The following SNTG1 variants were observed in gnomAD, a reference collection of about 807,000 sequenced individuals.
SNTG1 encodes syntrophin gamma 1.
A neutral mutation model predicts 74.7 loss-of-function variants in SNTG1; 39 were observed. The ratio of observed to expected loss-of-function variants is 0.52; its 90% CI spans 0.40 to 0.68. The LOEUF (loss-of-function observed/expected upper bound fraction) is 0.68, where lower values mean the gene tolerates loss of function less well. SNTG1 is among the 30% of genes least tolerant of loss of function. The probability of loss-of-function intolerance (pLI) is 0.00; values close to 1 mark genes in which losing one functional copy is unlikely to be tolerated. For synonymous variants in SNTG1, 254 were observed against 217.1 expected, an observed-to-expected ratio of 1.17 and a Z score of -1.49; for missense variants, 685 against 609.5, an observed-to-expected ratio of 1.12 and a Z score of -1.30.
At chr8:50,758,114 T>G (rs887914227) in intron 18 of SNTG1, among the ~76,000 whole-genome samples, 1 of 151,958 alleles carries the variant, frequency 6.6e-6, no homozygotes, top group African/African-American at 2.4e-5. Flanking sequence ...TTTTTAGAAT[T>G]TGCATTTTCT....
chr8:50,774,744 A>C (rs902376495), intron 18 of SNTG1, among the ~76,000 whole-genome samples: 7 of 151,718 alleles, frequency 4.6e-5, no homozygotes, highest in Non-Finnish European at 8.9e-5. Flanking sequence ...TAAAATGATA[A>C]TTATATCACT....
chr8:49,917,016 C>CA (rs925296183), intron 1 of SNTG1, among the ~76,000 whole-genome samples: 12 of 142,248 alleles, frequency 8.4e-5, no homozygotes, highest in Admixed American at 3.7e-4. Flanking sequence ...GATTCTATCT[C>CA]AAAAAAATAT....
At chr8:50,614,319 A>G (rs1174914773) in intron 13 of SNTG1, among the ~76,000 whole-genome samples, 2 of 152,142 alleles carry the variant, frequency 1.3e-5, no homozygotes, top group African/African-American at 2.4e-5. Context: ...AAAAGCATTC[A>G]ATATTAAGCT....
chr8:49,960,781 G>C (rs1007679311), intron 1 of SNTG1, among the ~76,000 whole-genome samples: 3 of 152,088 alleles, frequency 2.0e-5, no homozygotes, highest in African/African-American at 7.2e-5. Flanking sequence ...GTGACTCTCT[G>C]AGTCTGTATT....
chr8:50,691,777 T>C (rs1484412335), intron 15 of SNTG1, among the ~76,000 whole-genome samples: 1 of 152,198 alleles, frequency 6.6e-6, no homozygotes, highest in Non-Finnish European at 1.5e-5. Context: ...CTGTATTTCC[T>C]GAATTTGAAT....
At chr8:50,335,645 A>G (rs773920591) in intron 2 of SNTG1, among the ~76,000 whole-genome samples, 1 of 151,884 alleles carries the variant, frequency 6.6e-6, no homozygotes, top group Non-Finnish European at 1.5e-5. Flanking sequence ...CTTAACTCCA[A>G]TGGGAGGGAG....
intron 2 of SNTG1, among the ~76,000 whole-genome samples, chr8:50,356,238 C>A (rs2091813218): frequency 6.6e-6 from 1 of 151,926 alleles, no homozygotes; most frequent in South Asian, 2.1e-4. Context: ...TCATTTTTGC[C>A]AAACGACTTG....
intron 15 of SNTG1, among the ~76,000 whole-genome samples, chr8:50,660,676 T>G (rs2095218152): frequency 6.6e-6 from 1 of 152,204 alleles, no homozygotes; most frequent in South Asian, 2.1e-4. Flanking sequence ...ACTCTCCAAG[T>G]AGCTGCATGA....
intron 8 of SNTG1, among the ~76,000 whole-genome samples, chr8:50,451,599 G>A (rs2131628914): frequency 6.6e-6 from 1 of 152,222 alleles, no homozygotes; most frequent in African/African-American, 2.4e-5. Flanking sequence ...TCTTAGATTT[G>A]TGAATGTACA....
chr8:50,731,570 A>G (rs762994922), intron 17 of SNTG1, among the ~76,000 whole-genome samples: 3 of 152,064 alleles, frequency 2.0e-5, no homozygotes, highest in Non-Finnish European at 2.9e-5. Flanking sequence ...TAAATAAGCC[A>G]TCCCACTCTA....
rs7013113 is a variant in SNTG1 at position 50,332,546 on chromosome 8, C to T, written c.-27-61666C>T. On this transcript the variant is annotated intron_variant, in intron 2 of 18. Coordinates refer to ENST00000642720, the MANE Select transcript of SNTG1 (RefSeq NM_018967.5). Reference sequence around the variant, plus strand: ...AATAAAATATTAAAATACATGGAATCGTGTATAATGTTTGACAACATCTGC... The same window carrying T: ...AATAAAATATTAAAATACATGGAATTGTGTATAATGTTTGACAACATCTGC... Among the ~76,000 whole-genome samples the T allele has an allele frequency of 9.9e-5, 15 of 152,024 alleles. 1 individual carries two copies. The highest frequency in any genetic ancestry group is 3.4e-4 in the African/African-American group (14 of 41,472).
In SNTG1 at chr8:50,025,276, A is replaced by T. The variant is rs563785167; in HGVS notation, c.-103+113045A>T. ...ATATATTCATTAATTTTAGATATCT[A>T]TAATAACCCACTTTCTCATTAATCT... is the stretch of plus-strand genomic sequence containing the variant. On this transcript the variant is annotated intron_variant, in intron 1 of 18. Transcript: ENST00000642720. Among the ~76,000 whole-genome samples, 5 of 152,158 alleles carry T rather than the reference A, an allele frequency of 3.3e-5. 1 individual carries two copies. Among genetic ancestry groups the T allele is most frequent in the Non-Finnish European group, 7.4e-5 (5 of 68,014 alleles).
chr8:49,978,581 A>G (rs1042326231), intron 1 of SNTG1, among the ~76,000 whole-genome samples: 2 of 152,204 alleles, frequency 1.3e-5, no homozygotes, highest in African/African-American at 4.8e-5. Flanking sequence ...TGAACATACA[A>G]TTAAAATTGT....
intron 1 of SNTG1, among the ~76,000 whole-genome samples, chr8:50,158,455 T>A (rs577742163): frequency 2.0e-5 from 3 of 152,278 alleles, no homozygotes; most frequent in South Asian, 2.1e-4. Context: ...GTGAATGCTA[T>A]GCCTATGATC....
intron 1 of SNTG1, among the ~76,000 whole-genome samples, chr8:50,108,802 C>T (rs1196240387): frequency 6.6e-6 from 1 of 152,006 alleles, no homozygotes; most frequent in Middle Eastern, 3.2e-3. Flanking sequence ...TGAGTATATC[C>T]AATACATTGC....
rs1450255743 is a variant in SNTG1, at chr8:49,912,069, T to G, written c.-265T>G. ...CTCTGAGAAATCATGGGCCGTGCGG[T>G]AGGGGTTGAAATGCTCAAAGGTCCA... On this transcript the variant is annotated 5_prime_UTR_variant, in exon 1 of 19. Transcript: ENST00000642720. The G allele has an allele frequency of 6.6e-6, 1 of 152,146 alleles. No homozygotes were observed. The highest frequency in any genetic ancestry group is 1.5e-5 in the Non-Finnish European group (1 of 68,068). The allele number at this position is 152,146 out of a possible 1,614,324, so 9.4% of individuals were successfully genotyped here. A position where few individuals can be genotyped will look rare whatever the true frequency, so the allele number is the denominator to read the frequency against.
Position 50,276,743 on chromosome 8 carries a change from T to C in SNTG1, c.-28+104108T>C, listed in dbSNP as rs998030398. ...AAGCTCTAGAATATACAAATTATTC[T>C]AAATTAAAATAAGTTTGTCTTAGCC... On this transcript the variant is annotated intron_variant, in intron 2 of 18. Transcript: ENST00000642720. Among the ~76,000 whole-genome samples the C allele has an allele frequency of 3.3e-5, 5 of 151,702 alleles. No homozygotes were observed. In the Admixed American group the frequency reaches 3.3e-4, roughly 10 times the overall value.
chr8:50,532,821 C>T (rs2094279846), intron 10 of SNTG1, among the ~76,000 whole-genome samples: 1 of 152,146 alleles, frequency 6.6e-6, no homozygotes, highest in East Asian at 1.9e-4. Context: ...TATAGACAGT[C>T]TATTTAAAAG....
chr8:50,071,389 TCACA>T (rs1821353537), intron 1 of SNTG1, among the ~76,000 whole-genome samples: 4 of 152,122 alleles, frequency 2.6e-5, no homozygotes, highest in Admixed American at 2.6e-4. Flanking sequence ...TTTCCCAGAC[TCACA>T]AACTTGTTCT....
Sources: allele counts gnomAD v4.1 joint callset (sites outside exome capture counted in the v4.1 genomes callset), GRCh38; gene constraint gnomAD v4.1.1; transcripts MANE v1.5; gene names NCBI Gene and HGNC (gene_info 2026-07-23, HGNC 2026-07-21).